Variants in PLAGL1 observed in about 807,000 individuals in gnomAD.
PLAGL1 encodes PLAG1 like zinc finger 1, also known as zinc finger protein PLAGL1.
Under a neutral mutation model 4.6 loss-of-function variants are expected in PLAGL1, and 1 was observed. That is an observed-to-expected ratio of 0.22 (90% CI 0.08 to 1.03). PLAGL1 has a LOEUF of 1.03. Ranked by LOEUF, PLAGL1 falls within the 50% of genes least tolerant of loss-of-function variation. PLAGL1 has a pLI of 0.58. For synonymous variants in PLAGL1, 240 were observed against 237.8 expected (o/e 1.01, Z -0.08); for missense variants, 464 against 570.4 (o/e 0.81, Z 1.90).
rs1289228654 is a variant in PLAGL1 at position 143,989,077 on chromosome 6, C to T, written c.-583-3903G>A. Among the ~76,000 whole-genome samples, 1 of 152,204 alleles carries T rather than the reference C, an allele frequency of 6.6e-6. No individual in the cohort carries two copies. The highest frequency in any genetic ancestry group is 2.4e-5 in the African/African-American group (1 of 41,446). On this transcript the variant is annotated intron_variant, in intron 1 of 7. Coordinates refer to ENST00000674357, the MANE Select transcript of PLAGL1 (RefSeq NM_001317162.2). The surrounding 1 kb of genome is among the most constrained non-coding windows in gnomAD (Gnocchi z 4.8). ...CAGAGTAGACCACTCAAAACCTATG[C>T]ACTTTTGTAATCACAGCGCTAACCA...
intron 1 of PLAGL1, among the ~76,000 whole-genome samples, chr6:144,031,070 AT>A (rs1796788035): frequency 6.6e-6 from 1 of 152,000 alleles, no homozygotes; most frequent in Non-Finnish European, 1.5e-5. Context: ...GTGATATCGC[AT>A]TGTGGTTTTG....
intron 1 of PLAGL1, among the ~76,000 whole-genome samples, chr6:144,024,291 G>A (rs1044955699): frequency 6.6e-6 from 1 of 152,162 alleles, no homozygotes; most frequent in African/African-American, 2.4e-5. Context: ...ATTCATGTGA[G>A]GGGTGGGCAG....
intron 1 of PLAGL1, among the ~76,000 whole-genome samples, chr6:144,018,756 T>G (rs979451573): frequency 6.6e-6 from 1 of 152,204 alleles, no homozygotes; most frequent in African/African-American, 2.4e-5. Context: ...TGCCACAAAT[T>G]GACATGTACC....
chr6:144,044,674 TAG>T (rs2128719846), intron 1 of PLAGL1, among the ~76,000 whole-genome samples: 1 of 152,332 alleles, frequency 6.6e-6, no homozygotes, highest in South Asian at 2.1e-4. Flanking sequence ...AAGAGTTCTG[TAG>T]ATGTCTATTA....
In PLAGL1 at chr6:144,053,388, C is replaced by A. The variant is rs143697858; in HGVS notation, c.-151+11080G>T. ...GACCTCAGGTGATCAGCCACGATGG[C>A]CTCCCAAATTGCTGGTGTTACAGGC... is the stretch of plus-strand genomic sequence containing the variant. On this transcript the variant is annotated intron_variant, in intron 1 of 3. Transcript: ENST00000437412. This position sits in a 1 kb window ranked among gnomAD's most constrained non-coding sequence, Gnocchi z 4.0. Among the ~76,000 whole-genome samples the A allele has an allele frequency of 7.9e-5, 12 of 152,260 alleles. No individual in the cohort carries two copies. In the East Asian group the frequency reaches 2.1e-3, roughly 27 times the overall value.
Position 144,064,444 on chromosome 6 carries a change from G to T in PLAGL1, c.-151+24C>A. 1 of 152,754 alleles carries T rather than the reference G, an allele frequency of 6.5e-6. No homozygotes were observed. The highest frequency in any genetic ancestry group is 1.5e-5 in the Non-Finnish European group (1 of 68,452). The allele number at this position is 152,754 out of a possible 1,614,324, so 9.5% of individuals were successfully genotyped here. ...CCAGCCAGTTCTCTCGCTCGCCCCT[G>T]CCTCACCTGCCTTTCCTACCTACCC... On this transcript the variant is annotated intron_variant, in intron 1 of 3. Coordinates refer to the PLAGL1 transcript ENST00000437412. The surrounding 1 kb of genome is among the most constrained non-coding windows in gnomAD (Gnocchi z 6.8).
At chr6:143,996,561 G>A (rs1791653322) in intron 1 of PLAGL1, among the ~76,000 whole-genome samples, 1 of 151,268 alleles carries the variant, frequency 6.6e-6, no homozygotes, top group Admixed American at 6.6e-5. Context: ...GAAATGTCAT[G>A]TGCAAATTCT....
At chr6:144,057,531 G>A (rs1042651231) in intron 1 of PLAGL1, among the ~76,000 whole-genome samples, 7 of 152,184 alleles carry the variant, frequency 4.6e-5, no homozygotes, top group African/African-American at 1.7e-4. Context: ...CCAGAGAATC[G>A]TACCCTTCCC....
chr6:143,979,129 T>A lies in PLAGL1; in HGVS notation c.-544+6006A>T, dbSNP rs1787325682. On this transcript the variant is annotated intron_variant, in intron 2 of 7. Coordinates refer to ENST00000674357, the MANE Select transcript of PLAGL1 (RefSeq NM_001317162.2). The surrounding 1 kb of genome is among the most constrained non-coding windows in gnomAD (Gnocchi z 4.6). ...TTTAAAAAATCAGTGCTAAAAATGATATTTTTTTCATCCGTTAGCTTATAA... is the reference window on the plus strand; with the variant it reads ...TTTAAAAAATCAGTGCTAAAAATGAAATTTTTTTCATCCGTTAGCTTATAA... 6.6e-6 allele frequency among the ~76,000 whole-genome samples: 1 copy of A among 152,182 alleles called. No individual in the cohort carries two copies. The highest frequency in any genetic ancestry group is 1.9e-4 in the East Asian group (1 of 5,206).
chr6:144,025,981 T>C (rs1796314074), intron 1 of PLAGL1, among the ~76,000 whole-genome samples: 1 of 152,190 alleles, frequency 6.6e-6, no homozygotes, highest in Non-Finnish European at 1.5e-5. Context: ...CTGCCACATA[T>C]ATAACACGAA....
Position 144,004,946 on chromosome 6 carries a change from A to G in PLAGL1, c.-584+3144T>C, listed in dbSNP as rs1015352128. ...GACAGGAGATTTTATTCATATATATATATACATTTATATAAATATATTTAA... is the reference window on the plus strand; with the variant it reads ...GACAGGAGATTTTATTCATATATATGTATACATTTATATAAATATATTTAA... On this transcript the variant is annotated intron_variant, in intron 1 of 7. Coordinates refer to ENST00000674357, the MANE Select transcript of PLAGL1 (RefSeq NM_001317162.2). This position sits in a 1 kb window ranked among gnomAD's most constrained non-coding sequence, Gnocchi z 4.2. 1 of 149,232 alleles carries G rather than the reference A, an allele frequency of 6.7e-6. No homozygotes were observed. The highest frequency in any genetic ancestry group is 6.7e-5 in the Admixed American group (1 of 14,862). 9.2% of individuals were successfully genotyped at this position (149,232 alleles called of 1,614,324 possible). A position where few individuals can be genotyped will look rare whatever the true frequency, so the allele number is the denominator to read the frequency against.
Position 143,983,355 on chromosome 6 carries a change from T to TG in PLAGL1, c.-544+1779dup, listed in dbSNP as rs1404440948. Among the ~76,000 whole-genome samples the TG allele has an allele frequency of 6.6e-6, 1 of 152,096 alleles. No individual in the cohort carries two copies. The highest frequency in any genetic ancestry group is 1.5e-5 in the Non-Finnish European group (1 of 67,994). ...TGTAAAAGGAAGCAGGGACATTAAA[T>TG]GGGGTAGTAAGTAGAGAGGAATGGG... On this transcript the variant is annotated intron_variant, in intron 2 of 7. Coordinates refer to ENST00000674357, the MANE Select transcript of PLAGL1 (RefSeq NM_001317162.2). The surrounding 1 kb of genome is among the most constrained non-coding windows in gnomAD (Gnocchi z 6.6).
At chr6:144,031,141 A>G (rs909744951) in intron 1 of PLAGL1, among the ~76,000 whole-genome samples, 3 of 152,064 alleles carry the variant, frequency 2.0e-5, no homozygotes, top group Non-Finnish European at 4.4e-5. Flanking sequence ...GGCCATTTGT[A>G]TATCTTCTTT....
At position 143,953,472 on chromosome 6, in the gene PLAGL1, C is replaced by G. The variant is rs1240785985; in HGVS notation, c.-324-5012G>C. On this transcript the variant is annotated intron_variant, in intron 6 of 7. Coordinates refer to ENST00000674357, the MANE Select transcript of PLAGL1 (RefSeq NM_001317162.2). This position sits in a 1 kb window ranked among gnomAD's most constrained non-coding sequence, Gnocchi z 5.3. ...TCAGGGAAAAAATTGAGAAAGCTGT[C>G]CAGATGATTATGCTACAGCTTTGGA... Among the ~76,000 whole-genome samples, 1 of 152,188 alleles carries G rather than the reference C, an allele frequency of 6.6e-6. No homozygotes were observed. The highest frequency in any genetic ancestry group is 2.4e-5 in the African/African-American group (1 of 41,446).
chr6:144,014,912 A>G (rs1256005224), intron 1 of PLAGL1, among the ~76,000 whole-genome samples: 2 of 152,224 alleles, frequency 1.3e-5, no homozygotes, highest in African/African-American at 2.4e-5. Flanking sequence ...GAGGTATAAC[A>G]TAATTCCATT....
rs1300863640 is a variant in PLAGL1, at chr6:143,941,753, T to G, written c.1063A>C (p.Asn355His). ...TTGGGCAGGTTTACTTTACCAGCAT[T>G]TCCCTTAGCCAGATCAAAACCTGGG... is the stretch of plus-strand genomic sequence containing the variant. The part of the protein sequence containing the change: ...LNPGFDLAKG[N>H]AGKVNLPKEL... The change falls in exon 8 of 8, where the codon AAT becomes CAT. Residue 355 changes from asparagine (N) to histidine (H), a missense_variant. By Grantham distance (68) the Asn-to-His change is moderately conservative. Transcript: ENST00000674357. This position sits in a 1 kb window ranked among gnomAD's most constrained non-coding sequence, Gnocchi z 6.0. 1 of 1,614,238 alleles carries G rather than the reference T, an allele frequency of 6.2e-7. No individual in the cohort carries two copies. The highest frequency in any genetic ancestry group is 1.3e-5 in the African/African-American group (1 of 75,070).
At chr6:144,035,248 A>G (rs1797132555) in intron 1 of PLAGL1, among the ~76,000 whole-genome samples, 1 of 152,212 alleles carries the variant, frequency 6.6e-6, no homozygotes, top group Non-Finnish European at 1.5e-5. Context: ...CAAGGAAGCC[A>G]GTGGTAGATC....
rs1317060783 is a variant in PLAGL1 at position 143,954,209 on chromosome 6, T to C, written c.-324-5749A>G. 6.6e-6 allele frequency among the ~76,000 whole-genome samples: 1 copy of C among 152,106 alleles called. No individual in the cohort carries two copies. Among genetic ancestry groups the C allele is most frequent in the East Asian group, 1.9e-4 (1 of 5,192 alleles). The stretch of plus-strand genomic sequence containing the variant: ...AAGCTCCCATCAGCTCTTTACTGGC[T>C]TGACTCACAAATTAGTAGGCCAAGG... On this transcript the variant is annotated intron_variant, in intron 6 of 7. Coordinates refer to ENST00000674357, the MANE Select transcript of PLAGL1 (RefSeq NM_001317162.2). This position sits in a 1 kb window ranked among gnomAD's most constrained non-coding sequence, Gnocchi z 5.1.
chr6:144,038,736 A>T (rs979647876), intron 1 of PLAGL1, among the ~76,000 whole-genome samples: 10 of 152,244 alleles, frequency 6.6e-5, no homozygotes, highest in Non-Finnish European at 1.3e-4. Flanking sequence ...ACAAAGAACC[A>T]CATATTATAT....
Sources: gnomAD v4.1 joint callset for allele counts (sites outside exome capture counted in the v4.1 genomes callset) on GRCh38, gnomAD v4.1.1 for gene constraint, Gnocchi (gnomAD v3.1) non-coding constraint, MANE v1.5 for transcripts, NCBI Gene and HGNC (gene_info 2026-07-23, HGNC 2026-07-21) for gene names.